The following LRRC56 variants were observed in gnomAD, a reference collection of about 807,000 sequenced individuals.
LRRC56 encodes the protein leucine rich repeat containing 56, also known as leucine-rich repeat-containing protein 56.
A neutral mutation model predicts 47.8 loss-of-function variants in LRRC56; 41 were observed. That is an observed-to-expected ratio of 0.86 (90% CI 0.67 to 1.11). LRRC56 has a LOEUF of 1.11. LRRC56 is among the 50% of genes most tolerant of loss of function. The pLI, the probability that LRRC56 is intolerant of heterozygous loss-of-function variation, is 0.00. For missense variants in LRRC56, 759 were observed against 704.2 expected (o/e 1.08, Z -0.88); for synonymous variants, 387 against 311.2 (o/e 1.24, Z -2.56).
At chr11:533,194 C>G, upstream of LRRC56, 1 of 1,247,160 alleles carries the variant, frequency 8.0e-7, no homozygotes, top group South Asian at 1.4e-5. Flanking sequence ...TTCCCCGGAG[C>G]TGTGTCGGCC....
At chr11:521,303 G>A in the LRRC56 span, among the ~76,000 whole-genome samples, 14 of 152,122 alleles carry the variant, frequency 9.2e-5, no homozygotes, top group Non-Finnish European at 1.8e-4. Flanking sequence ...GCATACTTCC[G>A]CTTGGTTCTG....
upstream of LRRC56, chr11:532,615 T>C (rs1474696841): frequency 6.2e-7 from 1 of 1,605,494 alleles, no homozygotes; most frequent in South Asian, 1.1e-5. Flanking sequence ...GCGGCCGCCC[T>C]GGGAGTCCCC....
chr11:534,622 G>C, upstream of LRRC56: 1 of 513,988 alleles, frequency 1.9e-6, no homozygotes, highest in Admixed American at 3.3e-5. Context: ...AGGCAGGGCT[G>C]ACAGCTGAGC....
At chr11:510,514 G>C in the LRRC56 span, among the ~76,000 whole-genome samples, 1 of 151,874 alleles carries the variant, frequency 6.6e-6, no homozygotes, top group Admixed American at 6.6e-5. Context: ...AAGGCAGGCA[G>C]ATCATTTGCG....
chr11:533,657 A>G (rs45495295), upstream of LRRC56: 1,063 of 1,613,010 alleles, frequency 6.6e-4, 6 homozygotes, highest in African/African-American at 0.012. Flanking sequence ...CTGCAGGCGC[A>G]GCGGCATCCA....
chr11:521,060 G>A, the LRRC56 span, among the ~76,000 whole-genome samples: 3 of 152,178 alleles, frequency 2.0e-5, no homozygotes, highest in Admixed American at 6.6e-5. Flanking sequence ...AGCGTACTCC[G>A]GACCTCTGTG....
chr11:552,714 G>A lies in LRRC56; in HGVS notation c.1315+12G>A, dbSNP rs747242529. 2.0e-5 allele frequency: 32 copies of A among 1,587,620 alleles called. No individual in the cohort carries two copies. Among genetic ancestry groups the A allele is most frequent in the Non-Finnish European group, 2.7e-5 (32 of 1,166,672 alleles). ...AAGCCTGGCCTCAGGTACTGAGCCT[G>A]CCCGCCTGCCCCCCAGTGCCTGGGA... On this transcript the variant is annotated intron_variant, in intron 13 of 13. Coordinates refer to ENST00000270115, the MANE Select transcript of LRRC56 (RefSeq NM_198075.4).
chr11:538,258 T>C (rs182390684), intron 1 of LRRC56, among the ~76,000 whole-genome samples: 3 of 152,260 alleles, frequency 2.0e-5, no homozygotes, highest in Admixed American at 6.5e-5. Context: ...GGTAGCTGAC[T>C]CAGCCCTTAG....
intron 2 of LRRC56, 117 bp from the exon 3 acceptor site, chr11:539,463 C>T (rs1851681168): frequency 6.7e-6 from 1 of 148,434 alleles, no homozygotes; most frequent in South Asian, 2.1e-4. Flanking sequence ...TGTCTCACTG[C>T]AAGCTCCGCC....
At chr11:517,596 G>A in the LRRC56 span, among the ~76,000 whole-genome samples, 22 of 148,682 alleles carry the variant, frequency 1.5e-4, no homozygotes, top group East Asian at 1.0e-3. Context: ...ACCTCTGCCC[G>A]GCCACCCCGT....
rs60038518 is a variant in LRRC56, at chr11:544,528, G to T, written c.266-192G>T. ...CATAGAATCAGCAGACCCCTTTGGTGGCCAGAGGAGCCCGCAGCCCTGGAG... is the reference window on the plus strand; with the variant it reads ...CATAGAATCAGCAGACCCCTTTGGTTGCCAGAGGAGCCCGCAGCCCTGGAG... On this transcript the variant is annotated intron_variant, in intron 5 of 13. Coordinates refer to ENST00000270115, the MANE Select transcript of LRRC56 (RefSeq NM_198075.4). Among the ~76,000 whole-genome samples, 15,657 of 152,216 alleles carry T rather than the reference G, an allele frequency of 0.1. 1,467 individuals are homozygous for T. Among genetic ancestry groups the T allele is most frequent in the African/African-American group, 0.25 (10,312 of 41,504 alleles).
the LRRC56 span, among the ~76,000 whole-genome samples, chr11:517,473 G>T: frequency 0.098 from 14,711 of 150,494 alleles, 988 homozygotes; most frequent in Admixed American, 0.19. Context: ...GAAGTGAGGG[G>T]CACCTCTGCC....
chr11:509,806 G>A, the LRRC56 span, among the ~76,000 whole-genome samples: 126 of 147,918 alleles, frequency 8.5e-4, no homozygotes, highest in African/African-American at 2.7e-3. Context: ...CTTGTGATTC[G>A]CCCGCCTCAA....
chr11:519,044 C>T, the LRRC56 span, among the ~76,000 whole-genome samples: 1,266 of 150,888 alleles, frequency 8.4e-3, 20 homozygotes, highest in African/African-American at 0.029. Flanking sequence ...GCGAGGGCAG[C>T]TCCCGTGTGT....
At chr11:518,947 C>T in the LRRC56 span, among the ~76,000 whole-genome samples, 2 of 152,120 alleles carry the variant, frequency 1.3e-5, no homozygotes, top group Non-Finnish European at 2.9e-5. Flanking sequence ...ACCCCGCCCC[C>T]AAACCGAGGG....
the LRRC56 span, among the ~76,000 whole-genome samples, chr11:523,805 G>A: frequency 6.6e-6 from 1 of 150,500 alleles, no homozygotes; most frequent in Non-Finnish European, 1.5e-5. Flanking sequence ...GCGCACGCCT[G>A]TAGTCCCAGC....
the LRRC56 span, among the ~76,000 whole-genome samples, chr11:521,006 G>A: frequency 5.5e-4 from 84 of 152,288 alleles, no homozygotes; most frequent in African/African-American, 9.1e-4. Context: ...TTTACTCACC[G>A]ATGCTCTCGT....
rs994966019 is a variant in LRRC56, at chr11:553,350, G to A, written c.1316-613G>A. Among the ~76,000 whole-genome samples, 7 of 152,110 alleles carry A rather than the reference G, an allele frequency of 4.6e-5. No homozygotes were observed. The South Asian group carries it at 1.2e-3, about 27-fold the overall frequency. On this transcript the variant is annotated intron_variant, in intron 13 of 13. Transcript: ENST00000270115. ...TGACCCTCCTCTGTGCAGGAGCCTG[G>A]TTAAGGGGGCTGGGATGGGCAGGGA...
chr11:551,886 C>G lies in LRRC56; in HGVS notation c.974-17C>G. 1 of 1,612,408 alleles carries G rather than the reference C, an allele frequency of 6.2e-7. No individual in the cohort carries two copies. ...CCCTCGGCCCCGAACCAGGCCCAGC[C>G]ATGCTGTCTCTTGCAGGTGCTGGCC... On this transcript the variant is annotated splice_polypyrimidine_tract_variant and intron_variant, in intron 10 of 13. Transcript: ENST00000270115.
Sources: allele counts gnomAD v4.1 joint callset (sites outside exome capture counted in the v4.1 genomes callset), GRCh38; gene constraint gnomAD v4.1.1; transcripts MANE v1.5; gene names NCBI Gene and HGNC (gene_info 2026-07-23, HGNC 2026-07-21).